Variants in TTYH3 observed in about 807,000 individuals in gnomAD.
TTYH3 encodes protein tweety homolog 3.
Under a neutral mutation model 68.2 loss-of-function variants are expected in TTYH3, and 23 were observed. That is an observed-to-expected ratio of 0.34 (90% CI 0.24 to 0.48). TTYH3 has a LOEUF of 0.48. Ranked by LOEUF, TTYH3 falls within the 20% of genes least tolerant of loss-of-function variation. The pLI is 0.99. For synonymous variants in TTYH3, 360 were observed against 332.8 expected, an observed-to-expected ratio of 1.08 and a Z score of -0.89; for missense variants, 768 against 727.7, an observed-to-expected ratio of 1.06 and a Z score of -0.64.
At chr7:2,637,312 G>A (rs994600777) in intron 1 of TTYH3, among the ~76,000 whole-genome samples, 6 of 152,164 alleles carry the variant, frequency 3.9e-5, no homozygotes, top group African/African-American at 1.4e-4. Flanking sequence ...CCTGCAGCTT[G>A]GTTCCCCAGG....
chr7:2,644,179 G>A (rs1469970636), intron 1 of TTYH3, among the ~76,000 whole-genome samples: 3 of 152,182 alleles, frequency 2.0e-5, no homozygotes, highest in Non-Finnish European at 1.5e-5. Flanking sequence ...GTCCCGGGGG[G>A]CATGGTCAGC....
chr7:2,656,316 G>T, intron 10 of TTYH3, 82 bp from the exon 11 acceptor site: 2 of 1,571,394 alleles, frequency 1.3e-6, no homozygotes, highest in East Asian at 4.5e-5. Context: ...GGTCCAGGCC[G>T]CCGTGGCTGG....
At chr7:2,643,376 G>T (rs184524049) in intron 1 of TTYH3, among the ~76,000 whole-genome samples, 1 of 143,306 alleles carries the variant, frequency 7.0e-6, no homozygotes, top group African/African-American at 2.7e-5. Flanking sequence ...AAAAAAAATC[G>T]TAGAGTCCCC....
In TTYH3 at chr7:2,656,028, C is replaced by T. The variant is rs1016608610; in HGVS notation, c.1021-64C>T. On this transcript the variant is annotated intron_variant, in intron 9 of 13. Coordinates refer to ENST00000258796, the MANE Select transcript of TTYH3 (RefSeq NM_025250.3). ...AGACCTGGGGGCTTCCCAGATGGGG[C>T]GAGGCTGGCTCGAGGTCCCCCGTCC... is the stretch of plus-strand genomic sequence containing the variant. The T allele has an allele frequency of 6.3e-5, 84 of 1,329,278 alleles. No homozygotes were observed. The East Asian group carries it at 1.0e-3, about 16-fold the overall frequency. 82.3% of individuals were successfully genotyped at this position (1,329,278 alleles called of 1,614,324 possible). A position where few individuals can be genotyped will look rare whatever the true frequency, so the allele number is the denominator to read the frequency against.
chr7:2,645,381 G>C lies in TTYH3; in HGVS notation c.124-1472G>C, dbSNP rs1026505188. ...CTCGGCCAGGCAGATCGAATGCAGT[G>C]CCAGGAGAAGGGACAGCTCTGGGGC... On this transcript the variant is annotated intron_variant, in intron 1 of 13. Transcript: ENST00000258796. This position sits in a 1 kb window ranked among gnomAD's most constrained non-coding sequence, Gnocchi z 4.8. 2.6e-5 allele frequency among the ~76,000 whole-genome samples: 4 copies of C among 152,244 alleles called. No individual in the cohort carries two copies. The highest frequency in any genetic ancestry group is 9.7e-5 in the African/African-American group (4 of 41,448).
intron 8 of TTYH3, among the ~76,000 whole-genome samples, chr7:2,652,451 G>C (rs910076574): frequency 6.6e-6 from 1 of 152,300 alleles, no homozygotes; most frequent in South Asian, 2.1e-4. Context: ...AGAGCCTTTC[G>C]GGGGGACCTG....
At position 2,656,472 on chromosome 7, in the gene TTYH3, C is replaced by T. The variant is rs772427639; in HGVS notation, c.1188C>T (p.Phe396=). 1.6e-5 allele frequency: 26 copies of T among 1,612,184 alleles called. No individual in the cohort carries two copies. Among genetic ancestry groups the T allele is most frequent in the East Asian group, 4.5e-5 (2 of 44,856 alleles). ...TCATCTACCTGGCCCTCTTCTCCTT[C>T]GTCACAGCCCTCATGTTCAGCTCCA... ...EGLIYLALFS[F]VTALMFSSIV... Residue 396 remains phenylalanine, a synonymous_variant, in exon 11 of 14, where the codon TTC becomes TTT. Transcript: ENST00000258796.
In TTYH3 at chr7:2,647,418, G is replaced by A; in HGVS notation, c.406G>A (p.Val136Met). 1 of 1,508,894 alleles carries A rather than the reference G, an allele frequency of 6.6e-7. No homozygotes were observed. The highest frequency in any genetic ancestry group is 8.8e-7 in the Non-Finnish European group (1 of 1,132,006). The allele number at this position is 1,508,894 out of a possible 1,614,324, so 93.5% of individuals were successfully genotyped here. ...NRTVAGVQDR[V>M]WDTAVGLNHT... ...CCTCACGCCCGCGGGTCCGGCGCAG[G>A]TGTGGGACACGGCGGTGGGGCTGAA... The change falls in exon 4 of 14, where the codon GTG becomes ATG. Residue 136 changes from valine to methionine, a missense_variant and splice_region_variant. Val to Met is a conservative substitution (Grantham distance 21). Coordinates refer to ENST00000258796, the MANE Select transcript of TTYH3 (RefSeq NM_025250.3).
chr7:2,649,156 C>T (rs1414116438), intron 5 of TTYH3, among the ~76,000 whole-genome samples: 1 of 152,052 alleles, frequency 6.6e-6, no homozygotes, highest in Non-Finnish European at 1.5e-5. Context: ...CTCTGAGTCC[C>T]CAGTTGCTGA....
intron 8 of TTYH3, 116 bp from the exon 9 acceptor site, chr7:2,652,802 C>A: frequency 1.2e-6 from 1 of 810,746 alleles, no homozygotes; most frequent in Non-Finnish European, 2.0e-6. Context: ...AGAGCAGAGC[C>A]TTGATGGTCT....
intron 13 of TTYH3, among the ~76,000 whole-genome samples, chr7:2,659,440 C>G (rs538054484): frequency 9.5e-4 from 145 of 152,314 alleles, no homozygotes; most frequent in Admixed American, 3.2e-3. Context: ...GCCTTCTGGA[C>G]CTGTGGGGTG....
At chr7:2,646,735 C>T in intron 1 of TTYH3, 118 bp from the exon 2 acceptor site, 1 of 1,163,592 alleles carries the variant, frequency 8.6e-7, no homozygotes, top group Non-Finnish European at 1.2e-6. Flanking sequence ...TGGGGCCCAC[C>T]TCCCAGGGCT....
chr7:2,647,120 C>G, intron 2 of TTYH3, 22 bp from the exon 3 acceptor site: 3 of 1,578,302 alleles, frequency 1.9e-6, no homozygotes, highest in African/African-American at 2.7e-5. Context: ...GGGGCTACAT[C>G]TCACGGGCCC....
chr7:2,651,418 T>A (rs977772253), intron 7 of TTYH3, among the ~76,000 whole-genome samples: 1 of 151,956 alleles, frequency 6.6e-6, no homozygotes, highest in African/African-American at 2.4e-5. Context: ...GGTGGAGGGG[T>A]GGGCCCGCTC....
At chr7:2,655,411 G>A (rs571794857) in intron 9 of TTYH3, among the ~76,000 whole-genome samples, 18 of 152,330 alleles carry the variant, frequency 1.2e-4, no homozygotes, top group African/African-American at 3.6e-4. Context: ...CTCCCAAAGC[G>A]CTGGGATTAC....
Position 2,646,917 on chromosome 7 carries a change from T to C in TTYH3, c.188T>C (p.Phe63Ser). 6.2e-7 allele frequency: 1 copy of C among 1,600,508 alleles called. No homozygotes were observed. The highest frequency in any genetic ancestry group is 8.5e-7 in the Non-Finnish European group (1 of 1,179,410). ...CLALDLLFLL[F>S]YSFWLCCRRR... is the part of the protein sequence containing the mutation. ...GCCCTGGACCTCCTCTTCCTGCTCT[T>C]CTACTCCTTCTGGCTGTGCTGCCGG... Residue 63 changes from phenylalanine to serine, a missense_variant, in exon 2 of 14, where the codon TTC becomes TCC. By Grantham distance (155) the Phe-to-Ser change is radical. Coordinates refer to ENST00000258796, the MANE Select transcript of TTYH3 (RefSeq NM_025250.3).
intron 10 of TTYH3, 54 bp from the exon 11 acceptor site, chr7:2,656,344 G>A: frequency 6.3e-7 from 1 of 1,588,494 alleles, no homozygotes; most frequent in Admixed American, 1.7e-5. Flanking sequence ...GTCTCACGCT[G>A]CCCCCTCCAC....
At chr7:2,634,404 C>T (rs1043342942) in intron 1 of TTYH3, among the ~76,000 whole-genome samples, 4 of 152,074 alleles carry the variant, frequency 2.6e-5, no homozygotes, top group African/African-American at 9.7e-5. Flanking sequence ...GTGGCAGGCG[C>T]CCCTTCCTGC....
chr7:2,657,416 GTGGTGA>G (rs67283715), intron 11 of TTYH3, among the ~76,000 whole-genome samples: 70,533 of 147,768 alleles, frequency 0.48, 19,090 homozygotes, highest in African/African-American at 0.79. Flanking sequence ...GGTTGTGGTG[GTGGTGA>G]TGGTGATGGT....
Sources: allele counts gnomAD v4.1 joint callset (sites outside exome capture counted in the v4.1 genomes callset), GRCh38; gene constraint gnomAD v4.1.1; non-coding constraint Gnocchi (gnomAD v3.1); transcripts MANE v1.5; gene names NCBI Gene and HGNC (gene_info 2026-07-23, HGNC 2026-07-21).